AFF2: variants seen among roughly 807,000 people sequenced by gnomAD.
AFF2 encodes ALF transcription elongation factor 2.
Under a neutral mutation model 76.9 loss-of-function variants are expected in AFF2, and 14 were observed. The ratio of observed to expected loss-of-function variants is 0.18; its 90% CI spans 0.12 to 0.28. The LOEUF is 0.28. Among genes scored for constraint, AFF2 ranks in the 10% least tolerant of loss-of-function variants. The pLI is 1.00. For missense variants in AFF2, 868 were observed against 1,001.1 expected (o/e 0.87, Z 1.79); for synonymous variants, 398 against 366.7 (o/e 1.09, Z -0.98).
At chrX:148,881,340 C>T (rs2071093264) in intron 7 of AFF2, among the ~76,000 whole-genome samples, 1 of 111,601 alleles carries the variant, frequency 9.0e-6, no homozygotes, top group African/African-American at 3.3e-5. Context: ...GGCCTAAAGA[C>T]ACGGTGCTCA....
In AFF2 at chrX:148,662,336, G is replaced by T; in HGVS notation, c.609G>T (p.Gln203His). The change falls in exon 3 of 21, where the codon CAG becomes CAT. Residue 203 changes from glutamine (Q) to histidine (H), a missense_variant. Coordinates refer to ENST00000370460, the MANE Select transcript of AFF2 (RefSeq NM_002025.4). ...ACTTCTTTGTCTACCCAGCTGAACAGCCCCAGATTGGAGAAGTTGAAGAGT... is the reference window on the plus strand; with the variant it reads ...ACTTCTTTGTCTACCCAGCTGAACATCCCCAGATTGGAGAAGTTGAAGAGT... The part of the protein sequence containing the change: ...LEDFFVYPAE[Q>H]PQIGEVEESN... The T allele has an allele frequency of 8.3e-7, 1 of 1,211,702 alleles. No individual in the cohort carries two copies. The highest frequency in any genetic ancestry group is 1.1e-6 in the Non-Finnish European group (1 of 895,343).
intron 1 of AFF2, among the ~76,000 whole-genome samples, chrX:148,618,613 T>A (rs781802918): frequency 1.7e-3 from 187 of 110,930 alleles, no homozygotes; most frequent in African/African-American, 6.0e-3. Context: ...GGATCTAATT[T>A]AAAAAAAATA....
At chrX:148,807,708 A>G (rs1324806239) in intron 3 of AFF2, among the ~76,000 whole-genome samples, 1 of 112,778 alleles carries the variant, frequency 8.9e-6, no homozygotes, top group African/African-American at 3.2e-5. Flanking sequence ...CTAATACAAT[A>G]CAACAATGAT....
chrX:148,845,445 G>A (rs1174919925), intron 7 of AFF2, among the ~76,000 whole-genome samples: 4 of 111,874 alleles, frequency 3.6e-5, no homozygotes, highest in African/African-American at 9.8e-5. Flanking sequence ...TGAAGCATCA[G>A]TAAAACTAGA....
intron 4 of AFF2, among the ~76,000 whole-genome samples, chrX:148,828,790 G>A (rs782797952): frequency 2.9e-4 from 32 of 112,175 alleles, no homozygotes; most frequent in African/African-American, 9.4e-4. Flanking sequence ...CCTGCACATG[G>A]TCATATATGT....
At position 148,887,050 on chromosome X, in the gene AFF2, T is replaced by C. The variant is rs543023806; in HGVS notation, c.1359+1065T>C. Among the ~76,000 whole-genome samples, 58 of 113,080 alleles carry C rather than the reference T, an allele frequency of 5.1e-4. No individual in the cohort carries two copies. In the South Asian group the frequency reaches 0.02, roughly 39 times the overall value. Reference sequence around the variant, plus strand: ...AAAATAAAATCCATCTTCAACGTTATGTGGCCAAAACTTTTGTCTACTTTA... The same window carrying C: ...AAAATAAAATCCATCTTCAACGTTACGTGGCCAAAACTTTTGTCTACTTTA... On this transcript the variant is annotated intron_variant, in intron 8 of 20. Transcript: ENST00000370460.
chrX:148,773,970 C>G (rs782499729), intron 3 of AFF2, among the ~76,000 whole-genome samples: 2 of 111,299 alleles, frequency 1.8e-5, no homozygotes, highest in South Asian at 7.6e-4. Flanking sequence ...CATAGACATT[C>G]TTAAGCTTTT....
chrX:148,843,365 A>C lies in AFF2; in HGVS notation c.1211-17A>C. The C allele has an allele frequency of 8.4e-7, 1 of 1,190,295 alleles. No homozygotes were observed. The highest frequency in any genetic ancestry group is 1.1e-6 in the Non-Finnish European group (1 of 878,617). Reference sequence around the variant, plus strand: ...GTAGGAACATGAACAGTAATTGTTTATATCTTTTCTTTTCAGAGTGGAATG... The same window carrying C: ...GTAGGAACATGAACAGTAATTGTTTCTATCTTTTCTTTTCAGAGTGGAATG... On this transcript the variant is annotated splice_polypyrimidine_tract_variant and intron_variant, in intron 6 of 20. Transcript: ENST00000370460.
At chrX:148,537,698 G>A (rs1432261574) in intron 1 of AFF2, among the ~76,000 whole-genome samples, 3 of 110,626 alleles carry the variant, frequency 2.7e-5, no homozygotes, top group Non-Finnish European at 5.7e-5. Flanking sequence ...CTGGCTGCAT[G>A]TGTTACTTTT....
chrX:148,591,042 A>G (rs1417203897), intron 1 of AFF2, among the ~76,000 whole-genome samples: 5 of 112,214 alleles, frequency 4.5e-5, no homozygotes, highest in Non-Finnish European at 9.4e-5. Flanking sequence ...TCTGGGTATT[A>G]TATAAACGAT....
intron 3 of AFF2, among the ~76,000 whole-genome samples, chrX:148,754,843 T>G (rs1207449996): frequency 8.9e-6 from 1 of 111,911 alleles, no homozygotes; most frequent in Non-Finnish European, 1.9e-5. Context: ...ATAATACACG[T>G]AACCCCTGCC....
At position 148,842,330 on chromosome X, in the gene AFF2, G is replaced by A. The variant is rs1557274334; in HGVS notation, c.1174-636G>A. Among the ~76,000 whole-genome samples the A allele has an allele frequency of 3.5e-5, 4 of 112,722 alleles. No homozygotes were observed. In the South Asian group the frequency reaches 1.1e-3, roughly 31 times the overall value. ...AAACAGTGAATGAATTGTGTATAGT[G>A]TGACTTTCAAATCAAATTTAAATTC... is the stretch of plus-strand genomic sequence containing the variant. On this transcript the variant is annotated intron_variant, in intron 5 of 20. Transcript: ENST00000370460.
chrX:148,820,948 G>A (rs1445136094), intron 4 of AFF2, among the ~76,000 whole-genome samples: 1 of 111,516 alleles, frequency 9.0e-6, no homozygotes, highest in Non-Finnish European at 1.9e-5. Context: ...AGAAGAGGGA[G>A]CAGGCTGTGG....
intron 19 of AFF2, 74 bp from the exon 20 acceptor site, chrX:148,987,293 A>T (rs986015125): frequency 1.0e-6 from 1 of 956,809 alleles, no homozygotes; most frequent in African/African-American, 1.9e-5. Flanking sequence ...TCCCAGCGTG[A>T]TGGGGAAGGC....
intron 1 of AFF2, among the ~76,000 whole-genome samples, chrX:148,636,388 A>G (rs1258613233): frequency 8.9e-6 from 1 of 112,386 alleles, no homozygotes; most frequent in Non-Finnish European, 1.9e-5. Flanking sequence ...AACAAATGAA[A>G]CTAAACTAAT....
intron 3 of AFF2, among the ~76,000 whole-genome samples, chrX:148,766,119 G>A (rs1359226942): frequency 1.8e-5 from 2 of 110,385 alleles, no homozygotes; most frequent in Admixed American, 1.9e-4. Flanking sequence ...TGACATTTGG[G>A]TTGGTTCCAA....
chrX:148,817,027 G>T (rs900882415), intron 4 of AFF2, among the ~76,000 whole-genome samples: 1 of 110,042 alleles, frequency 9.1e-6, no homozygotes, highest in Non-Finnish European at 1.9e-5. Flanking sequence ...CAACATAGTG[G>T]CATGAATTTG....
chrX:148,891,404 A>C (rs1466009197), intron 8 of AFF2, among the ~76,000 whole-genome samples: 1 of 112,252 alleles, frequency 8.9e-6, no homozygotes, highest in Non-Finnish European at 1.9e-5. Flanking sequence ...TCAATAAAAG[A>C]TCTAAAGATA....
At chrX:148,505,053 C>T (rs2052394895) in intron 1 of AFF2, among the ~76,000 whole-genome samples, 1 of 111,530 alleles carries the variant, frequency 9.0e-6, no homozygotes. Context: ...TACCTCCATC[C>T]ATTTATCTTT....
Sources: allele counts gnomAD v4.1 joint callset (sites outside exome capture counted in the v4.1 genomes callset), GRCh38; gene constraint gnomAD v4.1.1; transcripts MANE v1.5; gene names NCBI Gene and HGNC (gene_info 2026-07-23, HGNC 2026-07-21).